The following SLC12A5 variants were observed in gnomAD, a reference collection of about 807,000 sequenced individuals.
SLC12A5 encodes K-Cl cotransporter 2.
A neutral mutation model predicts 124.0 loss-of-function variants in SLC12A5; 18 were observed. The observed-to-expected ratio is 0.15, with a 90% confidence interval of 0.10 to 0.22. SLC12A5 has a LOEUF of 0.22. SLC12A5 is among the 10% of genes least tolerant of loss of function. The pLI is 1.00. For missense variants in SLC12A5, 867 were observed against 1,478.7 expected (o/e 0.59, Z 6.78); for synonymous variants, 589 against 568.0 (o/e 1.04, Z -0.53).
intron 4 of SLC12A5, chr20:46,036,430 A>G (rs958863313): frequency 1.9e-5 from 6 of 322,278 alleles, no homozygotes; most frequent in South Asian, 4.4e-5. Flanking sequence ...TATTCTATAG[A>G]TGGAGAAACT....
chr20:46,042,677 GAAGGGGCATATTT>G (rs2145490789), intron 8 of SLC12A5, among the ~76,000 whole-genome samples: 1 of 152,286 alleles, frequency 6.6e-6, no homozygotes, highest in Admixed American at 6.5e-5. Context: ...GGAATGGAGA[GAAGGGGCATATTT>G]AAGAAATATT....
intron 2 of SLC12A5, chr20:46,023,121 C>T (rs2084370260): frequency 7.5e-6 from 3 of 398,388 alleles, no homozygotes; most frequent in Admixed American, 4.4e-5. Flanking sequence ...TAGAGTAACC[C>T]TTAGGGGGTT....
intron 8 of SLC12A5, among the ~76,000 whole-genome samples, chr20:46,042,030 T>TA (rs2084552702): frequency 6.6e-6 from 1 of 150,798 alleles, no homozygotes; most frequent in Non-Finnish European, 1.5e-5. Context: ...ATGAGAGGAG[T>TA]AAGGAAATTG....
Position 46,057,432 on chromosome 20 carries a change from A to C in SLC12A5, c.3260-82A>C. 1 of 1,601,232 alleles carries C rather than the reference A, an allele frequency of 6.2e-7. No individual in the cohort carries two copies. Among genetic ancestry groups the C allele is most frequent in the South Asian group, 1.1e-5 (1 of 90,812 alleles). ...CACCTCGGACAGGGACACGGGCGCG[A>C]GAGGTCCCCTGGCAGCCGAGCGCGA... On this transcript the variant is annotated intron_variant, in intron 25 of 25. Transcript: ENST00000243964. This position sits in a 1 kb window ranked among gnomAD's most constrained non-coding sequence, Gnocchi z 7.1.
chr20:46,040,259 C>T (rs1176001030), intron 6 of SLC12A5, 114 bp from the exon 7 acceptor site: 19 of 1,466,642 alleles, frequency 1.3e-5, no homozygotes, highest in East Asian at 4.6e-5. Context: ...ATGTCTTTTC[C>T]AGTCTGGTAC....
At position 46,058,919 on chromosome 20, in the gene SLC12A5, C is replaced by A. The variant is rs925232647; in HGVS notation, c.*1314C>A. ...AGCAGCGGCCTCTAGCTCCGTCTCCCGGGGACCTGGGCCTGAGGGAGGGCT... is the reference window on the plus strand; with the variant it reads ...AGCAGCGGCCTCTAGCTCCGTCTCCAGGGGACCTGGGCCTGAGGGAGGGCT... On this transcript the variant is annotated 3_prime_UTR_variant, in exon 26 of 26. Coordinates refer to ENST00000243964, the MANE Select transcript of SLC12A5 (RefSeq NM_020708.5). This position sits in a 1 kb window ranked among gnomAD's most constrained non-coding sequence, Gnocchi z 5.8. The A allele has an allele frequency of 5.1e-6, 2 of 395,178 alleles. No individual in the cohort carries two copies. The allele number at this position is 395,178 out of a possible 1,614,324, so 24.5% of individuals were successfully genotyped here.
At chr20:46,055,247 G>C (rs1051187662) in intron 21 of SLC12A5, among the ~76,000 whole-genome samples, 5 of 152,302 alleles carry the variant, frequency 3.3e-5, no homozygotes, top group Non-Finnish European at 7.4e-5. Context: ...TTTGGTATGG[G>C]TGACAGATCT....
intron 1 of SLC12A5, chr20:46,022,028 C>T (rs1295126244): frequency 3.8e-6 from 4 of 1,045,826 alleles, no homozygotes; most frequent in Non-Finnish European, 5.1e-6. Context: ...GGGAATGGAG[C>T]CAGGACTAGG....
Position 46,053,531 on chromosome 20 carries a change from C to T in SLC12A5, c.2548-47C>T, listed in dbSNP as rs192268719. 1.2e-6 allele frequency: 2 copies of T among 1,608,890 alleles called. No homozygotes were observed. Among genetic ancestry groups the T allele is most frequent in the Non-Finnish European group, 8.5e-7 (1 of 1,178,246 alleles). On this transcript the variant is annotated intron_variant, in intron 19 of 25. Transcript: ENST00000243964. The surrounding 1 kb of genome is among the most constrained non-coding windows in gnomAD (Gnocchi z 4.7). ...GACAGGGCCTGGCCCTGGATCTCCT[C>T]ATCACATCTGGGCTGGACCTTTCTG... is the stretch of plus-strand genomic sequence containing the variant.
Position 46,034,987 on chromosome 20 carries a change from G to T in SLC12A5, c.92G>T (p.Ser31Ile). The T allele has an allele frequency of 6.2e-7, 1 of 1,614,032 alleles. No individual in the cohort carries two copies. Among genetic ancestry groups the T allele is most frequent in the Non-Finnish European group, 8.5e-7 (1 of 1,179,968 alleles). Residue 31 changes from serine to isoleucine, a missense_variant, in exon 2 of 26, where the codon AGC becomes ATC. Ser to Ile is a moderately radical substitution (Grantham distance 142). Around this residue, in one of 9 missense-constraint regions of SLC12A5, gnomAD observed 58 missense variants for 52.2 expected, o/e 1.11. Transcript: ENST00000243964. ...NPKESSPFIN[S>I]TDTEKGKEYD... Reference sequence around the variant, plus strand: ...AAGGAAAGCAGTCCCTTCATCAACAGCACCGACACAGAGAAGGGAAAGGAG... The same window carrying T: ...AAGGAAAGCAGTCCCTTCATCAACATCACCGACACAGAGAAGGGAAAGGAG...
In SLC12A5 at chr20:46,053,173, T is replaced by A; in HGVS notation, c.2547+47T>A. 6.4e-7 allele frequency: 1 copy of A among 1,567,166 alleles called. No individual in the cohort carries two copies. Among genetic ancestry groups the A allele is most frequent in the Middle Eastern group, 1.7e-4 (1 of 5,836 alleles). ...ATGCACGTGTGAGTGTGTGTATGCA[T>A]GTATGCATTTGTGTGCATATGTGCA... On this transcript the variant is annotated intron_variant, in intron 19 of 25. Coordinates refer to ENST00000243964, the MANE Select transcript of SLC12A5 (RefSeq NM_020708.5). The surrounding 1 kb of genome is among the most constrained non-coding windows in gnomAD (Gnocchi z 4.7).
At chr20:46,040,815 C>A (rs2084539244) in intron 7 of SLC12A5, 1 of 746,754 alleles carries the variant, frequency 1.3e-6, no homozygotes, top group Admixed American at 3.1e-5. Flanking sequence ...GAGGAGGGAA[C>A]AATTTACCTT....
In SLC12A5 at chr20:46,049,680, C is replaced by T. The variant is rs1380365295; in HGVS notation, c.2071C>T (p.Leu691=). Residue 691 remains leucine (L), a synonymous_variant, in exon 17 of 26, where the codon CTG becomes TTG. Transcript: ENST00000243964. ...DQDQNVVHPQ[L]LSLTSQLKAG... ...AGACCAGAATGTGGTGCACCCCCAG[C>T]TGCTCTCACTGACCTCCCAGCTGAA... The T allele has an allele frequency of 6.2e-7, 1 of 1,606,062 alleles. No individual in the cohort carries two copies. Among genetic ancestry groups the T allele is most frequent in the South Asian group, 1.1e-5 (1 of 89,024 alleles).
At chr20:46,035,337 C>G in intron 2 of SLC12A5, 67 bp from the exon 3 acceptor site, 4 of 1,561,906 alleles carry the variant, frequency 2.6e-6, no homozygotes, top group Non-Finnish European at 3.5e-6. Context: ...TCTTCCTCTG[C>G]CCTTCGCCAC....
chr20:46,037,696 T>G (rs1232634587), intron 6 of SLC12A5, among the ~76,000 whole-genome samples: 1 of 152,220 alleles, frequency 6.6e-6, no homozygotes, highest in Non-Finnish European at 1.5e-5. Flanking sequence ...ATTTTACAAA[T>G]GAGAAGCTCA....
In SLC12A5 at chr20:46,045,225, A is replaced by G. The variant is rs1600598855; in HGVS notation, c.1569+85A>G. 1.6e-5 allele frequency: 24 copies of G among 1,456,862 alleles called. No homozygotes were observed. In the South Asian group the frequency reaches 3.1e-4, roughly 19 times the overall value. 90.2% of individuals were successfully genotyped at this position (1,456,862 alleles called of 1,614,324 possible). On this transcript the variant is annotated intron_variant, in intron 12 of 25. Coordinates refer to ENST00000243964, the MANE Select transcript of SLC12A5 (RefSeq NM_020708.5). The surrounding 1 kb of genome is among the most constrained non-coding windows in gnomAD (Gnocchi z 4.9). Reference sequence around the variant, plus strand: ...GACCACACAGTGACCCAGGGCCATAACCAGCCTTAGACTACCTCCTGGGCC... The same window carrying G: ...GACCACACAGTGACCCAGGGCCATAGCCAGCCTTAGACTACCTCCTGGGCC...
At chr20:46,037,212 C>A (rs753995366) in intron 5 of SLC12A5, 43 bp from the exon 6 acceptor site, 4 of 1,555,634 alleles carry the variant, frequency 2.6e-6, no homozygotes, top group African/African-American at 2.7e-5. Context: ...TACGGCAGCC[C>A]AGTGCCCCCG....
chr20:46,052,437 C>A (rs8115080), intron 18 of SLC12A5, among the ~76,000 whole-genome samples: 43 of 152,328 alleles, frequency 2.8e-4, no homozygotes, highest in Middle Eastern at 3.4e-3. Context: ...CGGTGGCTCA[C>A]GCCTGTAATC....
At position 46,053,712 on chromosome 20, in the gene SLC12A5, G is replaced by T. The variant is rs1335513398; in HGVS notation, c.2679+3G>T. The T allele has an allele frequency of 5.1e-6, 8 of 1,570,922 alleles. No individual in the cohort carries two copies. The highest frequency in any genetic ancestry group is 6.9e-6 in the Non-Finnish European group (8 of 1,154,272). ...CGGAGGTCGAGGTGGTGGAGATGGTGAGTCCCCAGGAGACACCGCTGGGGT... is the reference window on the plus strand; with the variant it reads ...CGGAGGTCGAGGTGGTGGAGATGGTTAGTCCCCAGGAGACACCGCTGGGGT... On this transcript the variant is annotated splice_donor_region_variant and intron_variant, in intron 20 of 25. Transcript: ENST00000243964. This position sits in a 1 kb window ranked among gnomAD's most constrained non-coding sequence, Gnocchi z 4.7.
Sources: gnomAD v4.1 joint callset for allele counts (sites outside exome capture counted in the v4.1 genomes callset) on GRCh38, gnomAD v4.1.1 for gene constraint, gnomAD v4.1.1 regional missense constraint, Gnocchi (gnomAD v3.1) non-coding constraint, MANE v1.5 for transcripts, NCBI Gene and HGNC (gene_info 2026-07-23, HGNC 2026-07-21) for gene names.